PABIR3: variants seen among roughly 807,000 people sequenced by gnomAD.
PABIR3 encodes PABIR family member 1.
A neutral mutation model predicts 23.1 loss-of-function variants in PABIR3; 20 were observed. That is an observed-to-expected ratio of 0.86 (90% CI 0.61 to 1.26). PABIR3 has a LOEUF of 1.26. Ranked by LOEUF, PABIR3 falls within the 50% of genes most tolerant of loss-of-function variation. The probability of loss-of-function intolerance (pLI) is 0.00; values close to 1 mark genes in which losing one functional copy is unlikely to be tolerated. For missense variants in PABIR3, 189 were observed against 195.4 expected, an observed-to-expected ratio of 0.97 and a Z score of 0.20; for synonymous variants, 69 against 68.5, an observed-to-expected ratio of 1.01 and a Z score of -0.04.
At chrX:134,859,052 A>C (rs937279765), downstream of PABIR3, among the ~76,000 whole-genome samples, 1 of 111,808 alleles carries the variant, frequency 8.9e-6, no homozygotes, top group Non-Finnish European at 1.9e-5. Flanking sequence ...TGGGAGAGTG[A>C]CCAAACTACA....
intron 1 of PABIR3, among the ~76,000 whole-genome samples, chrX:134,800,555 G>T (rs2080038547): frequency 8.9e-6 from 1 of 111,868 alleles, no homozygotes; most frequent in Non-Finnish European, 1.9e-5. Context: ...ACTTTGGGAG[G>T]CCGAGGTGGG....
At chrX:134,822,853 AC>A (rs1464951559) in intron 3 of PABIR3, 1 of 137,479 alleles carries the variant, frequency 7.3e-6, no homozygotes, top group Non-Finnish European at 1.3e-5. Context: ...AGTATGTACA[AC>A]AGGCCAGGCG....
downstream of PABIR3, among the ~76,000 whole-genome samples, chrX:134,856,438 G>A (rs894616392): frequency 1.0e-4 from 11 of 109,973 alleles, no homozygotes; most frequent in Non-Finnish European, 1.9e-4. Context: ...CACCCACCTC[G>A]GCCTCCCAAA....
chrX:134,828,047 CTA>C (rs61129426), intron 3 of PABIR3, among the ~76,000 whole-genome samples: 1,240 of 49,370 alleles, frequency 0.025, 10 homozygotes, highest in Non-Finnish European at 0.027. Context: ...CTCTCTCTCT[CTA>C]TATATATATA....
intron 4 of PABIR3, among the ~76,000 whole-genome samples, chrX:134,830,806 T>C (rs922345512): frequency 9.0e-6 from 1 of 111,473 alleles, no homozygotes; most frequent in Non-Finnish European, 1.9e-5. Context: ...TGAAAATGGG[T>C]TATGTGTTGC....
chrX:134,807,204 A>C, upstream of PABIR3: 2 of 819,543 alleles, frequency 2.4e-6, no homozygotes. Flanking sequence ...GCGGGACCCA[A>C]CTGATTGTCA....
chrX:134,801,718 GC>G (rs1409995563), intron 1 of PABIR3, among the ~76,000 whole-genome samples: 1 of 112,067 alleles, frequency 8.9e-6, no homozygotes, highest in Non-Finnish European at 1.9e-5. Context: ...CAACAGTTGA[GC>G]CTGCTTCTTG....
At chrX:134,857,141 C>G (rs901834201), downstream of PABIR3, among the ~76,000 whole-genome samples, 7 of 112,351 alleles carry the variant, frequency 6.2e-5, no homozygotes, top group Non-Finnish European at 1.3e-4. Context: ...GCATCAAAAA[C>G]TGGGTGGCTT....
chrX:134,863,866 G>A, the PABIR3 span, among the ~76,000 whole-genome samples: 1 of 110,847 alleles, frequency 9.0e-6, no homozygotes, highest in African/African-American at 3.3e-5. Context: ...ATAATACTGA[G>A]CCCAACGACT....
intron 4 of PABIR3, chrX:134,834,958 G>T (rs1357562057): frequency 8.9e-6 from 1 of 111,878 alleles, no homozygotes; most frequent in Non-Finnish European, 1.9e-5. Flanking sequence ...AGAAACCAGG[G>T]AGTCCATTTG....
chrX:134,803,667 C>T (rs774985159), upstream of PABIR3, among the ~76,000 whole-genome samples: 15 of 111,882 alleles, frequency 1.3e-4, no homozygotes, highest in East Asian at 2.2e-3. Context: ...TTTTGAGCAA[C>T]TTAGGTATCT....
chrX:134,811,761 G>A (rs1244193392), intron 2 of PABIR3, among the ~76,000 whole-genome samples: 1 of 111,391 alleles, frequency 9.0e-6, no homozygotes, highest in Admixed American at 9.6e-5. Flanking sequence ...GCAAATTACT[G>A]CCCCAGAGCC....
rs151242245 is a variant in PABIR3 at position 134,834,724 on chromosome X, A to G, written c.246+5442A>G. Among the ~76,000 whole-genome samples the G allele has an allele frequency of 3.3e-3, 366 of 112,355 alleles. 2 individuals carry two copies. The highest frequency in any genetic ancestry group is 0.011 in the African/African-American group (353 of 30,931). On this transcript the variant is annotated intron_variant, in intron 4 of 10. Transcript: ENST00000645433. ...AAGGGGTCCAGTTTCAGTTTTCTGC[A>G]TATGGCTAGCCAGTTTTCCCAGCAC... is the stretch of plus-strand genomic sequence containing the variant.
intron 4 of PABIR3, among the ~76,000 whole-genome samples, chrX:134,843,744 C>G (rs1486512197): frequency 9.4e-6 from 1 of 106,312 alleles, no homozygotes; most frequent in African/African-American, 3.4e-5. Flanking sequence ...ATTTTTTGTA[C>G]TTTTAGTAGA....
At chrX:134,843,213 GT>G (rs1191156030) in intron 4 of PABIR3, among the ~76,000 whole-genome samples, 1 of 110,326 alleles carries the variant, frequency 9.1e-6, no homozygotes, top group Non-Finnish European at 1.9e-5. Context: ...AAAAAAAAAA[GT>G]TTTTTAATTT....
intron 6 of PABIR3, 83 bp downstream of exon 6, chrX:134,845,484 T>C: frequency 1.2e-6 from 1 of 802,418 alleles, no homozygotes. Context: ...TTTGCTGTAA[T>C]TTCTAGAAAT....
chrX:134,847,691 G>T (rs998285071), intron 7 of PABIR3, among the ~76,000 whole-genome samples, 192 bp from the exon 8 acceptor site: 1 of 111,015 alleles, frequency 9.0e-6, no homozygotes, highest in Non-Finnish European at 1.9e-5. Flanking sequence ...ATTAATTTTG[G>T]TAATTGTGTA....
chrX:134,827,875 C>T (rs1163772076), intron 3 of PABIR3, among the ~76,000 whole-genome samples: 1 of 109,307 alleles, frequency 9.1e-6, no homozygotes, highest in Non-Finnish European at 1.9e-5. Context: ...TGAACTCTGT[C>T]CTTTGAACCC....
chrX:134,845,880 G>T lies in PABIR3; in HGVS notation c.345+479G>T, dbSNP rs757821908. Among the ~76,000 whole-genome samples, 8 of 111,951 alleles carry T rather than the reference G, an allele frequency of 7.1e-5. 1 individual carries two copies. In the South Asian group the frequency reaches 2.9e-3, roughly 41 times the overall value. ...GTGCTTAGATAACAAAACAATAAAT[G>T]ATTTCACTCCCTTCTCCATAATTTA... On this transcript the variant is annotated intron_variant, in intron 6 of 10. Transcript: ENST00000645433.
Sources: gnomAD v4.1 joint callset for allele counts (sites outside exome capture counted in the v4.1 genomes callset) on GRCh38, gnomAD v4.1.1 for gene constraint, MANE v1.5 for transcripts, NCBI Gene and HGNC (gene_info 2026-07-23, HGNC 2026-07-21) for gene names.